The following RBFOX1 variants were observed in gnomAD, a reference collection of about 807,000 sequenced individuals.
RBFOX1 encodes RNA binding fox-1 homolog 1, also known as RNA binding protein fox-1 homolog 1.
RBFOX1 carries 8 observed loss-of-function variants against 57.7 expected under a neutral mutation model. The observed-to-expected ratio is 0.14, with a 90% CI of 0.08 to 0.25. The LOEUF is 0.25. RBFOX1 is among the 10% of genes least tolerant of loss of function. RBFOX1 has a pLI of 1.00. For missense variants in RBFOX1, 611 were observed against 548.5 expected (o/e 1.11, Z -1.14); for synonymous variants, 326 against 222.4 (o/e 1.47, Z -4.15).
chr16:7,293,714 T>C (rs2095838686), intron 4 of RBFOX1, among the ~76,000 whole-genome samples: 1 of 152,166 alleles, frequency 6.6e-6, no homozygotes, highest in Non-Finnish European at 1.5e-5. Context: ...AGGAAGGTTT[T>C]CTACCCAATA....
chr16:7,041,248 T>A (rs544363826), intron 3 of RBFOX1, among the ~76,000 whole-genome samples: 2 of 151,970 alleles, frequency 1.3e-5, no homozygotes, highest in African/African-American at 4.8e-5. Flanking sequence ...AAATAAAATT[T>A]TATTGGAACA....
At chr16:5,952,549 A>T (rs563579280) in intron 4 of RBFOX1, among the ~76,000 whole-genome samples, 1 of 152,300 alleles carries the variant, frequency 6.6e-6, no homozygotes, top group Admixed American at 6.5e-5. Flanking sequence ...GGCCTTCCAA[A>T]GTGCTAAGAT....
chr16:6,247,221 C>A (rs2097574229), intron 1 of RBFOX1, among the ~76,000 whole-genome samples: 2 of 152,204 alleles, frequency 1.3e-5, no homozygotes. Context: ...GACTCACTTT[C>A]TTCCCCTTGT....
At chr16:5,919,797 G>T (rs1567147902) in intron 4 of RBFOX1, among the ~76,000 whole-genome samples, 1 of 152,068 alleles carries the variant, frequency 6.6e-6, no homozygotes, top group South Asian at 2.1e-4. Context: ...CACAGCCCTG[G>T]AAGTTACTCA....
chr16:7,460,367 CAA>C (rs201733820), intron 4 of RBFOX1, among the ~76,000 whole-genome samples: 1 of 46,700 alleles, frequency 2.1e-5, no homozygotes, highest in Non-Finnish European at 3.7e-5. Context: ...AATCATTTAG[CAA>C]AATATATATA....
intron 5 of RBFOX1, among the ~76,000 whole-genome samples, chr16:7,523,264 T>C (rs2077922035): frequency 6.6e-6 from 1 of 152,206 alleles, no homozygotes; most frequent in Admixed American, 6.5e-5. Context: ...TTGTTTTTCA[T>C]TTTGGGTAAT....
intron 4 of RBFOX1, among the ~76,000 whole-genome samples, chr16:7,083,604 G>C (rs540556924): frequency 3.3e-5 from 5 of 152,216 alleles, no homozygotes; most frequent in South Asian, 2.1e-4. Flanking sequence ...TGCTAACTCA[G>C]ATGCACAAGA....
In RBFOX1 at chr16:6,550,620, C is replaced by G. The variant is rs372056742; in HGVS notation, c.-63-103983C>G. ...GGATTACAGGCATGTGCCACTGTGC[C>G]CAGCCTTCATGGCACACTTCTAATT... On this transcript the variant is annotated intron_variant, in intron 2 of 15. Coordinates refer to ENST00000550418, the MANE Select transcript of RBFOX1 (RefSeq NM_018723.4). Among the ~76,000 whole-genome samples the G allele has an allele frequency of 9.7e-4, 148 of 152,342 alleles. 1 individual carries two copies. The highest frequency in any genetic ancestry group is 6.8e-3 in the Middle Eastern group (2 of 294).
intron 3 of RBFOX1, among the ~76,000 whole-genome samples, chr16:5,825,474 C>T (rs2056004937): frequency 6.6e-6 from 1 of 152,144 alleles, no homozygotes; most frequent in Non-Finnish European, 1.5e-5. Flanking sequence ...TGGGGTTTTA[C>T]CTGGAATTTG....
intron 2 of RBFOX1, among the ~76,000 whole-genome samples, chr16:5,493,107 A>T (rs1228023964): frequency 6.6e-6 from 1 of 152,248 alleles, no homozygotes; most frequent in African/African-American, 2.4e-5. Flanking sequence ...GATGTGGCAG[A>T]GACTGTATAG....
chr16:7,432,638 T>A (rs1598310522), intron 4 of RBFOX1, among the ~76,000 whole-genome samples: 1 of 152,194 alleles, frequency 6.6e-6, no homozygotes, highest in East Asian at 1.9e-4. Flanking sequence ...AGACAATACA[T>A]AAACACATGG....
chr16:7,712,986 G>C lies in RBFOX1; in HGVS notation c.*2241G>C, dbSNP rs963237333. 2 of 152,084 alleles carry C rather than the reference G, an allele frequency of 1.3e-5. No homozygotes were observed. Among genetic ancestry groups the C allele is most frequent in the African/African-American group, 2.4e-5 (1 of 41,344 alleles). The allele number at this position is 152,084 out of a possible 1,614,324, so 9.4% of individuals were successfully genotyped here. A position where few individuals can be genotyped will look rare whatever the true frequency, so the allele number is the denominator to read the frequency against. ...TGTAGTTTTAATAAAATCATTTAGAGTGAGTGAGTGCCAACCGATGTTGCA... is the reference window on the plus strand; with the variant it reads ...TGTAGTTTTAATAAAATCATTTAGACTGAGTGAGTGCCAACCGATGTTGCA... On this transcript the variant is annotated 3_prime_UTR_variant, in exon 16 of 16. Coordinates refer to ENST00000550418, the MANE Select transcript of RBFOX1 (RefSeq NM_018723.4).
At chr16:6,719,563 C>G (rs986461432) in intron 3 of RBFOX1, among the ~76,000 whole-genome samples, 14 of 151,556 alleles carry the variant, frequency 9.2e-5, no homozygotes, top group African/African-American at 3.4e-4. Context: ...GCCTCAGCCT[C>G]TGGAGTAGCT....
intron 2 of RBFOX1, among the ~76,000 whole-genome samples, chr16:5,518,561 G>T (rs772154073): frequency 6.6e-6 from 1 of 152,232 alleles, no homozygotes; most frequent in African/African-American, 2.4e-5. Flanking sequence ...ATTTAGAGTA[G>T]ATTAAGAAAT....
chr16:5,492,108 C>G (rs566582076), intron 2 of RBFOX1, among the ~76,000 whole-genome samples: 1 of 152,174 alleles, frequency 6.6e-6, no homozygotes, highest in Admixed American at 6.5e-5. Flanking sequence ...GTCAGAAACA[C>G]CAGGGCTGAG....
chr16:6,483,436 G>A (rs2095407106), intron 2 of RBFOX1: 1 of 1,535,638 alleles, frequency 6.5e-7, no homozygotes, highest in East Asian at 2.4e-5. Context: ...GTTTGCTGTT[G>A]CCTCGGACTT....
intron 4 of RBFOX1, among the ~76,000 whole-genome samples, chr16:6,012,200 G>GA (rs1176825517): frequency 6.6e-6 from 1 of 152,206 alleles, no homozygotes; most frequent in Non-Finnish European, 1.5e-5. Context: ...CATTTCTCTA[G>GA]ACCTCATCTG....
chr16:6,738,852 A>G (rs901004750), intron 3 of RBFOX1, among the ~76,000 whole-genome samples: 3 of 152,136 alleles, frequency 2.0e-5, no homozygotes, highest in African/African-American at 4.8e-5. Flanking sequence ...AATCCCAAAC[A>G]CTTGGAAGCT....
intron 2 of RBFOX1, among the ~76,000 whole-genome samples, chr16:6,516,779 T>C (rs1171865379): frequency 1.3e-5 from 2 of 152,150 alleles, no homozygotes; most frequent in Non-Finnish European, 2.9e-5. Flanking sequence ...AATGCATATA[T>C]AAACCAGTAA....
Sources: allele counts gnomAD v4.1 joint callset (sites outside exome capture counted in the v4.1 genomes callset), GRCh38; gene constraint gnomAD v4.1.1; transcripts MANE v1.5; gene names NCBI Gene and HGNC (gene_info 2026-07-23, HGNC 2026-07-21).